The following ZNF831 variants were observed in gnomAD, a reference collection of about 807,000 sequenced individuals.
ZNF831 encodes chromosome 20 open reading frame 174.
In ZNF831, 59 loss-of-function variants were observed where a neutral mutation model predicts 95.8. The ratio of observed to expected loss-of-function variants is 0.62; its 90% confidence interval spans 0.50 to 0.77. ZNF831 has a LOEUF of 0.77. ZNF831 is among the 30% of genes least tolerant of loss of function. ZNF831 has a pLI of 0.00. For synonymous variants in ZNF831, 961 were observed against 925.5 expected (o/e 1.04, Z -0.70); for missense variants, 2,205 against 2,164.0 (o/e 1.02, Z -0.38).
chr20:59,125,129 G>A (rs1601287148), intron 1 of ZNF831, among the ~76,000 whole-genome samples: 1 of 152,140 alleles, frequency 6.6e-6, no homozygotes, highest in African/African-American at 2.4e-5. Flanking sequence ...CTGTGACTAC[G>A]TGAACCATCT....
intron 4 of ZNF831, among the ~76,000 whole-genome samples, chr20:59,233,535 GA>G (rs1986851292): frequency 6.6e-6 from 1 of 152,142 alleles, no homozygotes; most frequent in Admixed American, 6.5e-5. Flanking sequence ...GTCTTATCAG[GA>G]AACAGCAAAG....
At chr20:59,126,928 G>A (rs985672815) in intron 1 of ZNF831, among the ~76,000 whole-genome samples, 5 of 152,134 alleles carry the variant, frequency 3.3e-5, no homozygotes, top group Admixed American at 6.5e-5. Flanking sequence ...TGGAGAGTGT[G>A]GCTTTGAGCG....
chr20:59,257,544 C>T lies in ZNF831; in HGVS notation c.*2801C>T, dbSNP rs768313313. The T allele has an allele frequency of 7.2e-5, 11 of 151,968 alleles. No individual in the cohort carries two copies. Among genetic ancestry groups the T allele is most frequent in the Non-Finnish European group, 1.2e-4 (8 of 67,994 alleles). The allele number at this position is 151,968 out of a possible 1,614,324, so 9.4% of individuals were successfully genotyped here. A position where few individuals can be genotyped will look rare whatever the true frequency, so the allele number is the denominator to read the frequency against. ...TAAGGGTAACATTAACAACCTAGAA[C>T]CCAGTTTGGGTTACTAAAAATAAAA... On this transcript the variant is annotated 3_prime_UTR_variant, in exon 6 of 6. Coordinates refer to ENST00000371030, the MANE Select transcript of ZNF831 (RefSeq NM_178457.3).
intron 4 of ZNF831, among the ~76,000 whole-genome samples, chr20:59,219,826 C>T (rs1004803083): frequency 6.6e-5 from 10 of 152,056 alleles, no homozygotes; most frequent in South Asian, 4.1e-4. Context: ...CCTGTAGAAA[C>T]GGAGTGCCAT....
upstream of ZNF831, chr20:59,160,888 C>T (rs560887811): frequency 1.3e-5 from 2 of 151,234 alleles, no homozygotes; most frequent in Non-Finnish European, 2.9e-5. Flanking sequence ...GAGGCTTGCT[C>T]TTGGCAAGTG....
intron 4 of ZNF831, among the ~76,000 whole-genome samples, chr20:59,226,291 T>C (rs1279452429): frequency 6.6e-6 from 1 of 152,106 alleles, no homozygotes; most frequent in Admixed American, 6.6e-5. Context: ...GCTCAGTGAG[T>C]TGCTTGGCCA....
intron 3 of ZNF831, among the ~76,000 whole-genome samples, chr20:59,196,870 G>C (rs148765287): frequency 0.028 from 4,230 of 152,044 alleles, 214 homozygotes; most frequent in African/African-American, 0.098. Flanking sequence ...CTCTGCCTTG[G>C]GGGTTCAAGC....
At chr20:59,137,603 A>G (rs1979550266) in intron 1 of ZNF831, among the ~76,000 whole-genome samples, 1 of 152,204 alleles carries the variant, frequency 6.6e-6, no homozygotes, top group Non-Finnish European at 1.5e-5. Flanking sequence ...TCTTGTGTGG[A>G]ATGGAAGTTG....
At chr20:59,145,580 G>A (rs1223696721) in intron 1 of ZNF831, among the ~76,000 whole-genome samples, 1 of 152,194 alleles carries the variant, frequency 6.6e-6, no homozygotes, top group Admixed American at 6.5e-5. Flanking sequence ...AGATGTGAAA[G>A]GACACCTCAC....
At chr20:59,232,891 A>G (rs190928644) in intron 4 of ZNF831, among the ~76,000 whole-genome samples, 117 of 152,218 alleles carry the variant, frequency 7.7e-4, no homozygotes, top group African/African-American at 2.7e-3. Context: ...ACTACGTTTC[A>G]GATCCTAAAC....
chr20:59,157,324 T>C (rs1356479991), intron 2 of ZNF831, among the ~76,000 whole-genome samples: 1 of 152,206 alleles, frequency 6.6e-6, no homozygotes, highest in Non-Finnish European at 1.5e-5. Flanking sequence ...AAACAAGTCC[T>C]ACTGAAAGTG....
intron 1 of ZNF831, among the ~76,000 whole-genome samples, chr20:59,130,285 C>T (rs1394134250): frequency 6.6e-6 from 1 of 152,212 alleles, no homozygotes; most frequent in East Asian, 1.9e-4. Flanking sequence ...ACATTACTGG[C>T]TTCAGCATCG....
intron 1 of ZNF831, among the ~76,000 whole-genome samples, chr20:59,124,600 G>A (rs901571920): frequency 6.6e-6 from 1 of 152,206 alleles, no homozygotes; most frequent in African/African-American, 2.4e-5. Context: ...GGTACAGCAT[G>A]TCCAGGATCG....
Position 59,192,461 on chromosome 20 carries a change from G to T in ZNF831, c.1442G>T (p.Arg481Leu), listed in dbSNP as rs1983662388. ...RSTWTPPDKS[R>L]PLFFHSVPTQ... The stretch of plus-strand genomic sequence containing the variant: ...ACCTGGACGCCCCCAGACAAGTCTC[G>T]GCCCCTCTTCTTCCACTCCGTCCCC... The change falls in exon 2 of 6, where the codon CGG becomes CTG. Residue 481 changes from arginine to leucine, a missense_variant. Coordinates refer to ENST00000371030, the MANE Select transcript of ZNF831 (RefSeq NM_178457.3). This position sits in a 1 kb window ranked among gnomAD's most constrained non-coding sequence, Gnocchi z 5.2. 1.3e-6 allele frequency: 2 copies of T among 1,595,374 alleles called. No homozygotes were observed. The highest frequency in any genetic ancestry group is 1.3e-5 in the African/African-American group (1 of 74,382).
chr20:59,192,972 C>A lies in ZNF831; in HGVS notation c.1953C>A (p.Gly651=), dbSNP rs1983736814. 6.3e-7 allele frequency: 1 copy of A among 1,593,038 alleles called. No homozygotes were observed. The stretch of plus-strand genomic sequence containing the variant: ...AGAAAGCCAGGGAGGTGGGAATGGG[C>A]AGTGGGGCAGAACTGGGCTTTCCTC... ...GGKKAREVGM[G]SGAELGFPLQ... is the part of the protein sequence containing the mutation. The change falls in exon 2 of 6, where the codon GGC becomes GGA. Residue 651 remains glycine, a synonymous_variant. Coordinates refer to ENST00000371030, the MANE Select transcript of ZNF831 (RefSeq NM_178457.3). This position sits in a 1 kb window ranked among gnomAD's most constrained non-coding sequence, Gnocchi z 5.2.
chr20:59,253,842 CT>C (rs1392240376), intron 5 of ZNF831, 55 bp from the exon 6 acceptor site: 2 of 1,487,500 alleles, frequency 1.3e-6, no homozygotes, highest in Non-Finnish European at 1.8e-6. Context: ...CCACATTTTT[CT>C]TTGTACCAAT....
At chr20:59,161,991 T>G (rs150253363), upstream of ZNF831, among the ~76,000 whole-genome samples, 325 of 152,350 alleles carry the variant, frequency 2.1e-3, 1 homozygote, top group African/African-American at 7.5e-3. Flanking sequence ...ATTGTGGTTT[T>G]GATTTGCATT....
chr20:59,134,489 C>T (rs533721908), intron 1 of ZNF831, among the ~76,000 whole-genome samples: 2 of 152,194 alleles, frequency 1.3e-5, no homozygotes, highest in African/African-American at 2.4e-5. Flanking sequence ...CTCTCTTGAC[C>T]TTTAAGCAGA....
At chr20:59,162,863 G>A (rs1199042445), upstream of ZNF831, among the ~76,000 whole-genome samples, 1 of 152,124 alleles carries the variant, frequency 6.6e-6, no homozygotes, top group African/African-American at 2.4e-5. Flanking sequence ...GAATAGTGTT[G>A]AATTGCTTTG....
Sources: gnomAD v4.1 joint callset for allele counts (sites outside exome capture counted in the v4.1 genomes callset) on GRCh38, gnomAD v4.1.1 for gene constraint, Gnocchi (gnomAD v3.1) non-coding constraint, MANE v1.5 for transcripts, NCBI Gene and HGNC (gene_info 2026-07-23, HGNC 2026-07-21) for gene names.